Variants in HFM1 observed in about 807,000 individuals in gnomAD.
The protein encoded by HFM1 is helicase for meiosis 1, also known as probable ATP-dependent DNA helicase HFM1.
In HFM1, 169 loss-of-function variants were observed where a neutral mutation model predicts 192.1. That is an observed-to-expected ratio of 0.88 (90% CI 0.78 to 1.00). The LOEUF (loss-of-function observed/expected upper bound fraction) is 1.00, where lower values mean the gene tolerates loss of function less well. Among genes scored for constraint, HFM1 ranks in the 50% least tolerant of loss-of-function variants. The probability of loss-of-function intolerance (pLI) is 0.00; values close to 1 mark genes in which losing one functional copy is unlikely to be tolerated. For missense variants in HFM1, 1,661 were observed against 1,668.0 expected (o/e 1.00, Z 0.07); for synonymous variants, 525 against 537.8 (o/e 0.98, Z 0.33).
chr1:91,405,014 G>A (rs1664732749), upstream of HFM1: 2 of 332,192 alleles, frequency 6.0e-6, no homozygotes, highest in Non-Finnish European at 1.2e-5. Context: ...CTAATCCTGG[G>A]TTCTAAGGGT....
At chr1:91,319,750 T>C (rs748330499) in intron 23 of HFM1, among the ~76,000 whole-genome samples, 15 of 152,204 alleles carry the variant, frequency 9.9e-5, no homozygotes, top group Non-Finnish European at 1.8e-4. Context: ...CAAATTATTT[T>C]CATATTCTCC....
chr1:91,286,571 G>A (rs1667993534), intron 30 of HFM1, among the ~76,000 whole-genome samples: 1 of 152,168 alleles, frequency 6.6e-6, no homozygotes, highest in African/African-American at 2.4e-5. Flanking sequence ...GGATTAGGAT[G>A]CAGTCATATT....
At chr1:91,290,986 A>G in intron 30 of HFM1, among the ~76,000 whole-genome samples, 1 of 152,216 alleles carries the variant, frequency 6.6e-6, no homozygotes, top group Admixed American at 6.5e-5. Context: ...AGAAATAAAG[A>G]TGTTCTTTGA....
At chr1:91,401,236 G>A (rs989649470) in intron 1 of HFM1, 127 bp from the exon 2 acceptor site, 5 of 546,534 alleles carry the variant, frequency 9.1e-6, no homozygotes, top group Admixed American at 3.8e-5. Flanking sequence ...CAGCTTCATC[G>A]TCTGCAACTT....
chr1:91,364,632 A>ATATATATTTTTTT (rs753472335), intron 13 of HFM1, among the ~76,000 whole-genome samples: 992 of 66,676 alleles, frequency 0.015, 23 homozygotes, highest in East Asian at 0.02. Context: ...ATATATATAT[A>ATATATATTTTTTT]TTTTTTTTTT....
intron 13 of HFM1, among the ~76,000 whole-genome samples, chr1:91,362,769 C>T (rs1387449206): frequency 1.3e-5 from 2 of 152,030 alleles, no homozygotes; most frequent in African/African-American, 2.4e-5. Flanking sequence ...TCATTCTACC[C>T]ATCTTCAAAC....
chr1:91,291,365 G>A (rs989837343), intron 30 of HFM1, among the ~76,000 whole-genome samples: 2 of 151,902 alleles, frequency 1.3e-5, no homozygotes, highest in African/African-American at 4.8e-5. Flanking sequence ...AATGATAAAG[G>A]GGATATCACC....
chr1:91,401,810 T>C (rs529178568), intron 1 of HFM1, among the ~76,000 whole-genome samples: 2 of 152,154 alleles, frequency 1.3e-5, no homozygotes, highest in Non-Finnish European at 2.9e-5. Flanking sequence ...TAAAAGATAA[T>C]TTTTGCACTC....
intron 2 of HFM1, among the ~76,000 whole-genome samples, chr1:91,397,400 C>G (rs995315623): frequency 6.6e-6 from 1 of 152,014 alleles, no homozygotes; most frequent in East Asian, 1.9e-4. Context: ...TTCATTAGGA[C>G]AAAAAGATAA....
chr1:91,339,576 A>C (rs538346891), intron 20 of HFM1, among the ~76,000 whole-genome samples: 1 of 152,154 alleles, frequency 6.6e-6, no homozygotes, highest in Non-Finnish European at 1.5e-5. Context: ...TTTCAAGTCT[A>C]CTCAGTCAGA....
chr1:91,357,663 T>C (rs1657925620), intron 13 of HFM1, among the ~76,000 whole-genome samples: 2 of 152,188 alleles, frequency 1.3e-5, no homozygotes, highest in Non-Finnish European at 2.9e-5. Flanking sequence ...GAAGTAAAAC[T>C]ATCTTTATTT....
Position 91,375,586 on chromosome 1 carries a change from G to C in HFM1, c.1537C>G (p.Leu513Val), listed in dbSNP as rs1353519834. The C allele has an allele frequency of 6.2e-7, 1 of 1,613,484 alleles. No homozygotes were observed. Among genetic ancestry groups the C allele is most frequent in the Non-Finnish European group, 8.5e-7 (1 of 1,179,592 alleles). ...NQTEFKFDLT[L>V]NYKIASVIQM... Reference sequence around the variant, plus strand: ...ATAACACTGGCAATTTTGTAGTTGAGGGTTAAATCAAACTTAAACTCAGTT... The same window carrying C: ...ATAACACTGGCAATTTTGTAGTTGACGGTTAAATCAAACTTAAACTCAGTT... Residue 513 changes from leucine to valine, a missense_variant, in exon 12 of 39, where the codon CTC (leucine) becomes GTC (valine). Transcript: ENST00000370425.
intron 20 of HFM1, among the ~76,000 whole-genome samples, chr1:91,330,146 T>TCA (rs1366006949): frequency 4.6e-5 from 7 of 152,286 alleles, no homozygotes; most frequent in South Asian, 2.1e-4. Flanking sequence ...AAGACGGTGA[T>TCA]GTTCATCTGG....
At chr1:91,401,142 A>G in intron 1 of HFM1, 33 bp from the exon 2 acceptor site, 1 of 903,110 alleles carries the variant, frequency 1.1e-6, no homozygotes, top group Non-Finnish European at 1.7e-6. Flanking sequence ...TTTATATTTT[A>G]TTTATAAAGA....
chr1:91,293,667 A>C (rs774757884), intron 30 of HFM1, among the ~76,000 whole-genome samples: 3 of 151,796 alleles, frequency 2.0e-5, no homozygotes, highest in Non-Finnish European at 4.4e-5. Flanking sequence ...TAGAACTAGA[A>C]ATACCATTTG....
intron 20 of HFM1, chr1:91,329,033 C>G: frequency 6.2e-7 from 1 of 1,611,512 alleles, no homozygotes; most frequent in Non-Finnish European, 8.5e-7. Context: ...GGAGCTAGAA[C>G]CAGGAACAGT....
intron 19 of HFM1, among the ~76,000 whole-genome samples, chr1:91,346,061 T>C (rs1656092423): frequency 6.6e-6 from 1 of 152,232 alleles, no homozygotes; most frequent in Non-Finnish European, 1.5e-5. Flanking sequence ...CTCTTGTTAA[T>C]CTGTCTTGTT....
intron 30 of HFM1, among the ~76,000 whole-genome samples, chr1:91,311,908 G>T (rs1308956729): frequency 6.6e-6 from 1 of 152,146 alleles, no homozygotes; most frequent in Non-Finnish European, 1.5e-5. Flanking sequence ...GGTGTCCTAT[G>T]TCCCAGCTGC....
chr1:91,316,393 A>G lies in HFM1; in HGVS notation c.2896T>C (p.Leu966=). 1 of 1,524,812 alleles carries G rather than the reference A, an allele frequency of 6.6e-7. No individual in the cohort carries two copies. Among genetic ancestry groups the G allele is most frequent in the African/African-American group, 1.4e-5 (1 of 72,634 alleles). The allele number at this position is 1,524,812 out of a possible 1,614,324, so 94.5% of individuals were successfully genotyped here. A position where few individuals can be genotyped will look rare whatever the true frequency, so the allele number is the denominator to read the frequency against. ...TAGGAATAAGTGAATATAACTACCA[A>G]TTCAAGTTCCCTTGCATCTGTCTCT... ...IEETDARELE[L]ILNRHPPFGT... The change falls in exon 26 of 39, where the codon TTG becomes CTG. Residue 966 remains leucine (L), a splice_region_variant and synonymous_variant. Coordinates refer to ENST00000370425, the MANE Select transcript of HFM1 (RefSeq NM_001017975.6).
Sources: allele counts gnomAD v4.1 joint callset (sites outside exome capture counted in the v4.1 genomes callset), GRCh38; gene constraint gnomAD v4.1.1; transcripts MANE v1.5; gene names NCBI Gene and HGNC (gene_info 2026-07-23, HGNC 2026-07-21).